Variants in SIRPA observed in about 807,000 individuals in gnomAD.
The protein encoded by SIRPA is tyrosine-protein phosphatase non-receptor type substrate 1.
A neutral mutation model predicts 50.3 loss-of-function variants in SIRPA; 9 were observed. That is an observed-to-expected ratio of 0.18 (90% confidence interval 0.11 to 0.31). The LOEUF (loss-of-function observed/expected upper bound fraction) is 0.31, where lower values mean the gene tolerates loss of function less well. Among genes scored for constraint, SIRPA ranks in the 10% least tolerant of loss-of-function variants. The pLI is 1.00. For synonymous variants in SIRPA, 265 were observed against 284.1 expected (o/e 0.93, Z 0.68); for missense variants, 474 against 661.6 (o/e 0.72, Z 3.11).
intron 1 of SIRPA, among the ~76,000 whole-genome samples, chr20:1,903,737 C>G (rs1039467100): frequency 6.6e-6 from 1 of 152,190 alleles, no homozygotes; most frequent in African/African-American, 2.4e-5. Flanking sequence ...TCTTCACTTC[C>G]TTTGGGTCTC....
At chr20:1,917,299 T>C (rs1600425384) in intron 2 of SIRPA, among the ~76,000 whole-genome samples, 2 of 152,106 alleles carry the variant, frequency 1.3e-5, no homozygotes, top group Non-Finnish European at 2.9e-5. Context: ...GGTGAGCCAG[T>C]GGGGGAGCCA....
chr20:1,925,405 G>C (rs1332302831), intron 5 of SIRPA, among the ~76,000 whole-genome samples: 1 of 152,238 alleles, frequency 6.6e-6, no homozygotes, highest in Non-Finnish European at 1.5e-5. Context: ...ATTATTACCC[G>C]TATTGTATGT....
chr20:1,900,178 G>A (rs1010045679), intron 1 of SIRPA, among the ~76,000 whole-genome samples: 5 of 147,564 alleles, frequency 3.4e-5, no homozygotes, highest in Admixed American at 6.9e-5. Flanking sequence ...TCGGCTCAAC[G>A]CAACCTCCGC....
rs566133223 is a variant in SIRPA, at chr20:1,932,777, C to T, written c.1227-1938C>T. ...TTGATGGATATTTTGGAGGTGGAGC[C>T]GACGAGCCCTAGGTTGGATTAGATG... On this transcript the variant is annotated intron_variant, in intron 6 of 7. Coordinates refer to ENST00000358771, the MANE Select transcript of SIRPA (RefSeq NM_001040023.2). The surrounding 1 kb of genome is among the most constrained non-coding windows in gnomAD (Gnocchi z 6.0). Among the ~76,000 whole-genome samples, 123 of 151,952 alleles carry T rather than the reference C, an allele frequency of 8.1e-4. 1 individual carries two copies. In the South Asian group the frequency reaches 0.025, roughly 31 times the overall value.
Position 1,909,654 on chromosome 20 carries a change from C to T in SIRPA, c.80-5445C>T, listed in dbSNP as rs190641007. ...AAAATTAGCCAGGTGTGGTGGCAGG[C>T]GCCTGCAACCCCAGCTACTTGGGAG... On this transcript the variant is annotated intron_variant, in intron 1 of 7. Transcript: ENST00000358771. Among the ~76,000 whole-genome samples the T allele has an allele frequency of 2.2e-4, 34 of 152,136 alleles. No individual in the cohort carries two copies. The East Asian group carries it at 6.4e-3, about 29-fold the overall frequency.
intron 1 of SIRPA, among the ~76,000 whole-genome samples, chr20:1,908,080 T>C (rs982262783): frequency 6.6e-6 from 1 of 152,166 alleles, no homozygotes; most frequent in African/African-American, 2.4e-5. Flanking sequence ...CCTAGACAGA[T>C]ACCACACAGG....
At chr20:1,900,340 T>A (rs1568492722) in intron 1 of SIRPA, among the ~76,000 whole-genome samples, 2 of 152,152 alleles carry the variant, frequency 1.3e-5, no homozygotes, top group African/African-American at 4.8e-5. Context: ...CCCCAGGTGA[T>A]CCACCTCCCA....
chr20:1,897,424 C>T (rs547488629), intron 1 of SIRPA, among the ~76,000 whole-genome samples: 7 of 152,316 alleles, frequency 4.6e-5, no homozygotes, highest in South Asian at 2.1e-4. Context: ...ATCTGTTCTT[C>T]GGGGTCCTGG....
At position 1,936,111 on chromosome 20, in the gene SIRPA, C is replaced by T. The variant is rs1281405300; in HGVS notation, c.1267-1209C>T. Among the ~76,000 whole-genome samples, 3 of 151,932 alleles carry T rather than the reference C, an allele frequency of 2.0e-5. No homozygotes were observed. Among genetic ancestry groups the T allele is most frequent in the Admixed American group, 6.6e-5 (1 of 15,242 alleles). ...ATGTGATTGTGTGCTGCTTGTAAGCCCTGAGAACTGAAATCAGCCATTACC... is the reference window on the plus strand; with the variant it reads ...ATGTGATTGTGTGCTGCTTGTAAGCTCTGAGAACTGAAATCAGCCATTACC... On this transcript the variant is annotated intron_variant, in intron 7 of 7. Transcript: ENST00000358771. The surrounding 1 kb of genome is among the most constrained non-coding windows in gnomAD (Gnocchi z 4.2).
At chr20:1,895,283 C>CGCGGCGGCG (rs926889796), upstream of SIRPA, 4 of 440,930 alleles carry the variant, frequency 9.1e-6, no homozygotes, top group South Asian at 1.8e-4. Context: ...CTCCAAAAAC[C>CGCGGCGGCG]GCGGCGGCGG....
chr20:1,926,548 C>G (rs1367994184), intron 5 of SIRPA, among the ~76,000 whole-genome samples: 3 of 152,236 alleles, frequency 2.0e-5, no homozygotes, highest in African/African-American at 7.2e-5. Flanking sequence ...GCCTAGCTCT[C>G]AAACACAGGC....
intron 1 of SIRPA, among the ~76,000 whole-genome samples, chr20:1,899,499 CTCTCTCCGTTTGGTAAACGGTTT>C (rs1351310858): frequency 1.3e-5 from 2 of 152,204 alleles, no homozygotes; most frequent in East Asian, 1.9e-4. Context: ...AGCATGTGGC[CTCTCTCCGTTTGGTAAACGGTTT>C]TCTACAGATC....
rs1449227869 is a variant in SIRPA at position 1,938,859 on chromosome 20, AAC to A, written c.*1297_*1298del. The A allele has an allele frequency of 2.6e-5, 4 of 152,702 alleles. No individual in the cohort carries two copies. The highest frequency in any genetic ancestry group is 1.3e-4 in the Admixed American group (2 of 15,284). 9.5% of individuals were successfully genotyped at this position (152,702 alleles called of 1,614,324 possible). On this transcript the variant is annotated 3_prime_UTR_variant, in exon 8 of 8. Coordinates refer to ENST00000358771, the MANE Select transcript of SIRPA (RefSeq NM_001040023.2). ...CACCACCTCTCATAAGCACTTTAGG[AAC>A]ACACAGAGGGTAGGGATAGTGGCCC...
chr20:1,921,740 C>T (rs777855619), intron 3 of SIRPA, 28 bp downstream of exon 3: 1 of 1,614,038 alleles, frequency 6.2e-7, no homozygotes, highest in South Asian at 1.1e-5. Context: ...AGCCCAAGCC[C>T]ACACCTGACC....
intron 2 of SIRPA, among the ~76,000 whole-genome samples, 155 bp downstream of exon 2, chr20:1,915,610 G>A (rs974418615): frequency 5.3e-5 from 8 of 152,234 alleles, no homozygotes; most frequent in Non-Finnish European, 1.0e-4. Flanking sequence ...GTTGAGGCCT[G>A]AAGACGTCAT....
rs914195458 is a variant in SIRPA, at chr20:1,927,272, T to C, written c.1202-603T>C. Among the ~76,000 whole-genome samples, 4 of 152,222 alleles carry C rather than the reference T, an allele frequency of 2.6e-5. No individual in the cohort carries two copies. ...GAACCCTGGAGGCTTCTCTGTGGGT[T>C]ACCCCATATCACAGGTTTAAAACCT... is the stretch of plus-strand genomic sequence containing the variant. On this transcript the variant is annotated intron_variant, in intron 5 of 7. Coordinates refer to ENST00000358771, the MANE Select transcript of SIRPA (RefSeq NM_001040023.2). The surrounding 1 kb of genome is among the most constrained non-coding windows in gnomAD (Gnocchi z 6.5).
At chr20:1,914,141 C>G (rs1985076271) in intron 1 of SIRPA, among the ~76,000 whole-genome samples, 1 of 152,220 alleles carries the variant, frequency 6.6e-6, no homozygotes, top group African/African-American at 2.4e-5. Flanking sequence ...ACAACAACTT[C>G]CTCAGGGCCC....
chr20:1,897,264 A>G (rs1983889714), intron 1 of SIRPA, among the ~76,000 whole-genome samples: 1 of 152,268 alleles, frequency 6.6e-6, no homozygotes, highest in Non-Finnish European at 1.5e-5. Flanking sequence ...TTCAGCATCA[A>G]TAGCCTGAAA....
At chr20:1,903,834 A>G (rs561613824) in intron 1 of SIRPA, among the ~76,000 whole-genome samples, 2 of 152,236 alleles carry the variant, frequency 1.3e-5, no homozygotes, top group Admixed American at 1.3e-4. Context: ...ACTGGGCCAA[A>G]TCTGCCTGTT....
Sources: allele counts gnomAD v4.1 joint callset (sites outside exome capture counted in the v4.1 genomes callset), GRCh38; gene constraint gnomAD v4.1.1; non-coding constraint Gnocchi (gnomAD v3.1); transcripts MANE v1.5; gene names NCBI Gene and HGNC (gene_info 2026-07-23, HGNC 2026-07-21).